The following MYRIP variants were observed in gnomAD, a reference collection of about 807,000 sequenced individuals.
MYRIP encodes the protein myosin VIIA and Rab interacting protein.
MYRIP carries 49 observed loss-of-function variants against 98.0 expected under a neutral mutation model. That is an observed-to-expected ratio of 0.50 (90% CI 0.40 to 0.63). The LOEUF is 0.63. MYRIP is among the 30% of genes least tolerant of loss of function. The pLI is 0.00. For synonymous variants in MYRIP, 404 were observed against 409.5 expected (o/e 0.99, Z 0.16); for missense variants, 1,004 against 1,058.2 (o/e 0.95, Z 0.71).
At chr3:40,046,608 T>C (rs981189613) in intron 3 of MYRIP, among the ~76,000 whole-genome samples, 17 of 148,790 alleles carry the variant, frequency 1.1e-4, no homozygotes, top group African/African-American at 4.2e-4. Context: ...GGAGACACTC[T>C]CAGACAATGT....
At chr3:39,967,008 C>T (rs1945458224) in intron 2 of MYRIP, among the ~76,000 whole-genome samples, 1 of 152,232 alleles carries the variant, frequency 6.6e-6, no homozygotes, top group Admixed American at 6.5e-5. Context: ...CAAGCTATGT[C>T]ATTTCTCTGA....
In MYRIP at chr3:40,167,842, C is replaced by T. The variant is rs1395190482; in HGVS notation, c.729+603C>T. Among the ~76,000 whole-genome samples the T allele has an allele frequency of 6.6e-5, 10 of 152,206 alleles. No individual in the cohort carries two copies. The East Asian group carries it at 9.6e-4, about 15-fold the overall frequency. On this transcript the variant is annotated intron_variant, in intron 7 of 16. Coordinates refer to ENST00000302541, the MANE Select transcript of MYRIP (RefSeq NM_015460.4). ...GTTTAATATAAAGGGTACAGGTGAA[C>T]GGCCAGATGAAGAGACACACAGAGC...
chr3:39,989,697 G>A (rs995474442), intron 2 of MYRIP, among the ~76,000 whole-genome samples: 2 of 152,216 alleles, frequency 1.3e-5, no homozygotes, highest in Non-Finnish European at 2.9e-5. Flanking sequence ...TCAGAGTTCT[G>A]TCCTTGAGTC....
chr3:40,083,825 T>G (rs1372110295), intron 3 of MYRIP, among the ~76,000 whole-genome samples: 1 of 151,864 alleles, frequency 6.6e-6, no homozygotes, highest in African/African-American at 2.4e-5. Context: ...AAACATTCCT[T>G]CAGGAAGGAA....
intron 11 of MYRIP, among the ~76,000 whole-genome samples, chr3:40,228,784 A>C (rs927298845): frequency 3.9e-5 from 6 of 152,202 alleles, no homozygotes; most frequent in Middle Eastern, 3.2e-3. Flanking sequence ...AGGTCAGCTC[A>C]TCACACACAG....
At chr3:40,046,134 AG>A (rs1031175464) in intron 3 of MYRIP, among the ~76,000 whole-genome samples, 7 of 152,154 alleles carry the variant, frequency 4.6e-5, no homozygotes, top group African/African-American at 1.7e-4. Context: ...TAGTGGCCAC[AG>A]TATGGAGGTG....
chr3:40,151,378 C>T (rs185991050), intron 4 of MYRIP, among the ~76,000 whole-genome samples, 194 bp downstream of exon 4: 65 of 152,312 alleles, frequency 4.3e-4, no homozygotes, highest in Non-Finnish European at 5.4e-4. Flanking sequence ...TTGGTTCCAG[C>T]GTCCCCACTG....
chr3:39,840,295 C>T (rs1451441722), intron 1 of MYRIP, among the ~76,000 whole-genome samples: 1 of 152,110 alleles, frequency 6.6e-6, no homozygotes, highest in Non-Finnish European at 1.5e-5. Flanking sequence ...ATTGCAACCC[C>T]TGCCTTTTTT....
chr3:40,123,707 C>A (rs1218945253), intron 3 of MYRIP, among the ~76,000 whole-genome samples: 1 of 152,204 alleles, frequency 6.6e-6, no homozygotes, highest in African/African-American at 2.4e-5. Flanking sequence ...CTGCCTGGGG[C>A]AGATAGTCTT....
At chr3:40,048,575 T>C (rs1947718774) in intron 3 of MYRIP, among the ~76,000 whole-genome samples, 1 of 152,130 alleles carries the variant, frequency 6.6e-6, no homozygotes. Flanking sequence ...ACCCAGACAG[T>C]GTCAAGTCTC....
chr3:40,140,741 G>A (rs772973819), intron 3 of MYRIP, among the ~76,000 whole-genome samples: 6 of 151,702 alleles, frequency 4.0e-5, no homozygotes, highest in South Asian at 4.2e-4. Context: ...TCACATATTC[G>A]TTGGCCATGT....
intron 2 of MYRIP, among the ~76,000 whole-genome samples, chr3:39,924,062 G>A (rs970374588): frequency 5.3e-5 from 8 of 151,864 alleles, no homozygotes; most frequent in Non-Finnish European, 1.2e-4. Context: ...CAGGAAGGTA[G>A]GACAAGTAAT....
chr3:39,977,481 C>T (rs374429338), intron 2 of MYRIP, among the ~76,000 whole-genome samples: 1 of 152,180 alleles, frequency 6.6e-6, no homozygotes, highest in Admixed American at 6.5e-5. Flanking sequence ...CATTCCCAAC[C>T]TGATGTTTGT....
At chr3:39,875,020 A>C (rs140424349) in intron 1 of MYRIP, among the ~76,000 whole-genome samples, 98,290 of 151,962 alleles carry the variant, frequency 0.65, 33,430 homozygotes, top group African/African-American at 0.87. Context: ...AATTTCGGAT[A>C]CTGTTATTGG....
At chr3:40,009,738 C>T (rs1415386997) in intron 2 of MYRIP, among the ~76,000 whole-genome samples, 1 of 152,166 alleles carries the variant, frequency 6.6e-6, no homozygotes. Context: ...ATTAAATGGT[C>T]ACTCTGATGC....
At chr3:40,163,843 T>A (rs1217056861) in intron 5 of MYRIP, among the ~76,000 whole-genome samples, 1 of 152,144 alleles carries the variant, frequency 6.6e-6, no homozygotes, top group Non-Finnish European at 1.5e-5. Flanking sequence ...ATCCTATTGG[T>A]TCTGTTTCTC....
intron 2 of MYRIP, among the ~76,000 whole-genome samples, chr3:40,041,000 A>G (rs1164449262): frequency 7.7e-6 from 1 of 130,136 alleles, no homozygotes; most frequent in African/African-American, 2.9e-5. Context: ...AAAAGAAAAA[A>G]AAAAAGAAAA....
intron 1 of MYRIP, among the ~76,000 whole-genome samples, chr3:39,814,607 G>A (rs529974101): frequency 3.3e-5 from 5 of 152,102 alleles, no homozygotes; most frequent in East Asian, 1.9e-4. Context: ...GCTAATTTCC[G>A]TTATATCCTT....
intron 3 of MYRIP, among the ~76,000 whole-genome samples, chr3:40,057,758 G>A (rs1245866181): frequency 1.3e-5 from 2 of 152,206 alleles, no homozygotes; most frequent in African/African-American, 4.8e-5. Flanking sequence ...AAGGGATGGG[G>A]CTTTGCTTTC....
Sources: gnomAD v4.1 joint callset for allele counts (sites outside exome capture counted in the v4.1 genomes callset) on GRCh38, gnomAD v4.1.1 for gene constraint, MANE v1.5 for transcripts, NCBI Gene and HGNC (gene_info 2026-07-23, HGNC 2026-07-21) for gene names.